Variants in FANCA observed in about 807,000 individuals in gnomAD.
The protein encoded by FANCA is FA complementation group A.
In FANCA, 236 loss-of-function variants were observed where a neutral mutation model predicts 194.3. The ratio of observed to expected loss-of-function variants is 1.21; its 90% CI spans 1.09 to 1.35. FANCA has a LOEUF of 1.35. Ranked by LOEUF, FANCA falls within the 40% of genes most tolerant of loss-of-function variation. The pLI is 0.00. For synonymous variants in FANCA, 1,014 were observed against 715.8 expected (o/e 1.42, Z -6.65); for missense variants, 2,628 against 1,813.9 (o/e 1.45, Z -8.15).
At chr16:89,755,974 G>A (rs1598087495) in intron 30 of FANCA, among the ~76,000 whole-genome samples, 2 of 152,140 alleles carry the variant, frequency 1.3e-5, no homozygotes, top group African/African-American at 4.8e-5. Context: ...ACGGCCCACC[G>A]CTCCCAGGCT....
chr16:89,777,787 G>A (rs1253258824), intron 20 of FANCA, among the ~76,000 whole-genome samples: 2 of 152,132 alleles, frequency 1.3e-5, no homozygotes, highest in Admixed American at 6.6e-5. Context: ...TCTGCAGCAT[G>A]AGGCTTTCCC....
Position 89,774,661 on chromosome 16 carries a change from C to T in FANCA, c.1900+1081G>A, listed in dbSNP as rs182653560. 2.8e-4 allele frequency among the ~76,000 whole-genome samples: 39 copies of T among 137,228 alleles called. No homozygotes were observed. The East Asian group carries it at 8.4e-3, about 30-fold the overall frequency. The allele number at this position is 137,228 out of a possible 152,430, so 90.0% of individuals were successfully genotyped here. ...AGGAGAATGGCATGAACCTGGGAGG[C>T]GGAGCTTACAGCGAGCTGAGATTGC... On this transcript the variant is annotated intron_variant, in intron 21 of 42. Coordinates refer to ENST00000389301, the MANE Select transcript of FANCA (RefSeq NM_000135.4).
chr16:89,786,739 C>G lies in FANCA; in HGVS notation c.1360-1775G>C, dbSNP rs866214092. Among the ~76,000 whole-genome samples, 8 of 152,198 alleles carry G rather than the reference C, an allele frequency of 5.3e-5. 1 individual carries two copies. Among genetic ancestry groups the G allele is most frequent in the Admixed American group, 1.3e-4 (2 of 15,264 alleles). ...TGAGAGGGACAGAGTCACGGAAAAACAAAGCTCAGAGACATGAACTGTCTG... is the reference window on the plus strand; with the variant it reads ...TGAGAGGGACAGAGTCACGGAAAAAGAAAGCTCAGAGACATGAACTGTCTG... On this transcript the variant is annotated intron_variant, in intron 14 of 42. Coordinates refer to ENST00000389301, the MANE Select transcript of FANCA (RefSeq NM_000135.4).
At chr16:89,814,129 A>T (rs11076632) in intron 3 of FANCA, among the ~76,000 whole-genome samples, 79,985 of 151,940 alleles carry the variant, frequency 0.53, 23,284 homozygotes, top group East Asian at 0.98. Context: ...CCCAGAACTT[A>T]CCCTATCTCC....
chr16:89,739,682 C>T (rs1008198891), intron 39 of FANCA, 129 bp from the exon 40 acceptor site: 1 of 1,517,538 alleles, frequency 6.6e-7, no homozygotes, highest in Non-Finnish European at 8.9e-7. Flanking sequence ...GGGCGAACAG[C>T]CTGAGCTGAG....
At position 89,738,354 on chromosome 16, in the gene FANCA, C is replaced by A. The variant is rs2062020140; in HGVS notation, c.*247G>T. The A allele has an allele frequency of 6.8e-7, 1 of 1,475,846 alleles. No individual in the cohort carries two copies. Among genetic ancestry groups the A allele is most frequent in the South Asian group, 1.3e-5 (1 of 75,614 alleles). 91.4% of individuals were successfully genotyped at this position (1,475,846 alleles called of 1,614,324 possible). ...GGGAGGGTCGGAGGGTGCTGCCCGC[C>A]CTTGGTGCTGGAGGCGGGCTTGGTG... On this transcript the variant is annotated 3_prime_UTR_variant, in exon 43 of 43. Coordinates refer to ENST00000389301, the MANE Select transcript of FANCA (RefSeq NM_000135.4).
At chr16:89,801,810 C>T (rs1163189076) in intron 8 of FANCA, among the ~76,000 whole-genome samples, 2 of 151,972 alleles carry the variant, frequency 1.3e-5, no homozygotes, top group Non-Finnish European at 2.9e-5. Flanking sequence ...ATCGGTTGAA[C>T]CTGGGAGGCA....
At chr16:89,761,349 G>A (rs1333353323) in intron 29 of FANCA, among the ~76,000 whole-genome samples, 1 of 151,314 alleles carries the variant, frequency 6.6e-6, no homozygotes, top group East Asian at 1.9e-4. Context: ...AACCCGGGAG[G>A]TGGAGGTTGC....
At chr16:89,803,420 C>CTG in intron 7 of FANCA, 79 bp from the exon 8 acceptor site, 1 of 1,320,012 alleles carries the variant, frequency 7.6e-7, no homozygotes, top group Non-Finnish European at 1.1e-6. Context: ...CCATCCACTT[C>CTG]AGAGGGGCGG....
intron 20 of FANCA, chr16:89,778,570 G>A (rs1193370130): frequency 1.2e-4 from 59 of 496,088 alleles, no homozygotes; most frequent in African/African-American, 2.3e-4. Flanking sequence ...GGAGGTTGCA[G>A]TGAGCCAAGA....
intron 36 of FANCA, among the ~76,000 whole-genome samples, chr16:89,744,012 C>T (rs1220254652): frequency 6.6e-6 from 1 of 152,014 alleles, no homozygotes; most frequent in Non-Finnish European, 1.5e-5. Context: ...ATTCTCCTGC[C>T]TCAGCCTCCT....
intron 17 of FANCA, among the ~76,000 whole-genome samples, 162 bp downstream of exon 17, chr16:89,782,697 G>A (rs192162973): frequency 1.0e-3 from 159 of 152,266 alleles, no homozygotes; most frequent in Non-Finnish European, 1.2e-3. Context: ...GTGGGACACA[G>A]CAACACAGAG....
intron 10 of FANCA, chr16:89,798,929 C>G: frequency 6.2e-7 from 1 of 1,606,142 alleles, no homozygotes; most frequent in Non-Finnish European, 8.5e-7. Context: ...AGAGGCGGAA[C>G]AGGATACTGC....
At chr16:89,800,754 G>C (rs1395701547) in intron 8 of FANCA, among the ~76,000 whole-genome samples, 1 of 152,206 alleles carries the variant, frequency 6.6e-6, no homozygotes, top group Non-Finnish European at 1.5e-5. Flanking sequence ...AAACAGGCCG[G>C]GAACTGTGGC....
intron 18 of FANCA, among the ~76,000 whole-genome samples, chr16:89,779,442 A>G (rs2039627055): frequency 6.6e-6 from 1 of 152,084 alleles, no homozygotes; most frequent in African/African-American, 2.4e-5. Context: ...CATATTGGTC[A>G]CAAAGAAGGC....
intron 14 of FANCA, among the ~76,000 whole-genome samples, chr16:89,790,408 G>T (rs1598149622): frequency 7.9e-6 from 1 of 127,022 alleles, no homozygotes; most frequent in South Asian, 2.8e-4. Context: ...AAATAAATAA[G>T]TAAATAAATA....
rs200757877 is a variant in FANCA, at chr16:89,738,287, C to T, written c.*314G>A. ...TGAGCACCTCTAGCAGCCTGGACTC[C>T]GCAGTGGCTGTGTCAGCCTCACCCT... On this transcript the variant is annotated 3_prime_UTR_variant, in exon 43 of 43. Transcript: ENST00000389301. 5.0e-5 allele frequency: 77 copies of T among 1,549,930 alleles called. No homozygotes were observed. Among genetic ancestry groups the T allele is most frequent in the East Asian group, 9.7e-5 (4 of 41,210 alleles).
At chr16:89,783,426 C>CAGT (rs2039789291) in intron 15 of FANCA, among the ~76,000 whole-genome samples, 1 of 151,708 alleles carries the variant, frequency 6.6e-6, no homozygotes, top group Admixed American at 6.6e-5. Context: ...TGGTGGGCAC[C>CAGT]AGTAGTCCCA....
At chr16:89,799,323 C>A in intron 9 of FANCA, 91 bp from the exon 10 acceptor site, 1 of 1,440,224 alleles carries the variant, frequency 6.9e-7, no homozygotes, top group Non-Finnish European at 9.6e-7. Context: ...ACAACAGATC[C>A]ACTTCAACCC....
Sources: gnomAD v4.1 joint callset for allele counts (sites outside exome capture counted in the v4.1 genomes callset) on GRCh38, gnomAD v4.1.1 for gene constraint, MANE v1.5 for transcripts, NCBI Gene and HGNC (gene_info 2026-07-23, HGNC 2026-07-21) for gene names.